Variants in GRID2 observed in about 807,000 individuals in gnomAD.
GRID2 encodes the protein glutamate ionotropic receptor delta type subunit 2.
A neutral mutation model predicts 114.8 loss-of-function variants in GRID2; 33 were observed. The observed-to-expected ratio is 0.29, with a 90% CI of 0.22 to 0.38. The LOEUF is 0.38. Among genes scored for constraint, GRID2 ranks in the 10% least tolerant of loss-of-function variants. The pLI, the probability that GRID2 is intolerant of heterozygous loss-of-function variation, is 1.00. For missense variants in GRID2, 1,184 were observed against 1,257.7 expected (o/e 0.94, Z 0.89); for synonymous variants, 505 against 449.9 (o/e 1.12, Z -1.55).
intron 2 of GRID2, among the ~76,000 whole-genome samples, chr4:92,715,789 A>C (rs953663627): frequency 2.0e-5 from 3 of 152,196 alleles, no homozygotes; most frequent in African/African-American, 7.2e-5. Flanking sequence ...ACACGTGGAA[A>C]TTGTAGGAGT....
chr4:92,872,017 G>A lies in GRID2; in HGVS notation c.245-212978G>A, dbSNP rs531039715. On this transcript the variant is annotated intron_variant, in intron 2 of 15. Coordinates refer to ENST00000282020, the MANE Select transcript of GRID2 (RefSeq NM_001510.4). ...TGTGGTCAGGTGTATGTGTGAGTGT[G>A]TGTCTGTGTGTGTGTTTGTGCTTAT... Among the ~76,000 whole-genome samples, 12 of 152,234 alleles carry A rather than the reference G, an allele frequency of 7.9e-5. No homozygotes were observed. In the East Asian group the frequency reaches 2.3e-3, roughly 29 times the overall value.
downstream of GRID2, among the ~76,000 whole-genome samples, chr4:93,779,266 A>T (rs558427600): frequency 2.0e-5 from 3 of 150,442 alleles, no homozygotes; most frequent in South Asian, 6.3e-4. Flanking sequence ...GGCTTCAGGG[A>T]GAATATTGGG....
chr4:92,623,856 T>A (rs1730393618), intron 2 of GRID2, among the ~76,000 whole-genome samples: 1 of 151,768 alleles, frequency 6.6e-6, no homozygotes, highest in Non-Finnish European at 1.5e-5. Flanking sequence ...CCATATTCTA[T>A]AAGATTATAA....
chr4:92,591,177 C>T (rs547857133), intron 2 of GRID2, among the ~76,000 whole-genome samples: 22 of 152,128 alleles, frequency 1.4e-4, no homozygotes, highest in Non-Finnish European at 2.5e-4. Flanking sequence ...AGGATTAGTG[C>T]CCTTATAAAA....
chr4:92,333,118 A>T (rs756094305), intron 1 of GRID2, among the ~76,000 whole-genome samples: 24 of 152,358 alleles, frequency 1.6e-4, no homozygotes, highest in Admixed American at 6.5e-5. Flanking sequence ...CTGGTCTCCC[A>T]GGCTGTCTGA....
intron 4 of GRID2, among the ~76,000 whole-genome samples, chr4:93,197,953 T>C (rs2149455905): frequency 6.6e-6 from 1 of 152,364 alleles, no homozygotes; most frequent in African/African-American, 2.4e-5. Flanking sequence ...TGATTCATTT[T>C]CTGATTTAAT....
At chr4:93,343,190 A>G (rs998010447) in intron 8 of GRID2, among the ~76,000 whole-genome samples, 1 of 150,940 alleles carries the variant, frequency 6.6e-6, no homozygotes, top group Non-Finnish European at 1.5e-5. Flanking sequence ...GTATTGGGTC[A>G]TATTAGAAGT....
At chr4:92,621,270 TG>T in intron 2 of GRID2, among the ~76,000 whole-genome samples, 1 of 151,934 alleles carries the variant, frequency 6.6e-6, no homozygotes, top group South Asian at 2.1e-4. Flanking sequence ...AAAGATGAAG[TG>T]ATGGTTTAAG....
At chr4:92,501,201 A>G (rs1296784220) in intron 1 of GRID2, among the ~76,000 whole-genome samples, 1 of 152,146 alleles carries the variant, frequency 6.6e-6, no homozygotes, top group Non-Finnish European at 1.5e-5. Flanking sequence ...AATTACTGTC[A>G]GTTGCAGTAA....
chr4:92,957,174 A>G (rs1021109269), intron 2 of GRID2, among the ~76,000 whole-genome samples: 8 of 151,872 alleles, frequency 5.3e-5, no homozygotes, highest in Non-Finnish European at 7.4e-5. Context: ...AAGTTATCAA[A>G]TTTTTCTTTC....
chr4:93,294,087 C>T (rs962091764), intron 8 of GRID2, among the ~76,000 whole-genome samples: 2 of 152,110 alleles, frequency 1.3e-5, no homozygotes, highest in Non-Finnish European at 2.9e-5. Flanking sequence ...TGAGGTGATA[C>T]TGGAGCATAT....
intron 2 of GRID2, among the ~76,000 whole-genome samples, chr4:92,598,401 A>G (rs1370226523): frequency 6.6e-6 from 1 of 152,006 alleles, no homozygotes; most frequent in East Asian, 1.9e-4. Context: ...CTCCCATTAT[A>G]GTACTATTTT....
intron 14 of GRID2, among the ~76,000 whole-genome samples, chr4:93,655,600 C>T (rs1722930415): frequency 6.6e-6 from 1 of 152,056 alleles, no homozygotes; most frequent in Non-Finnish European, 1.5e-5. Context: ...AGATTTAATT[C>T]TTTCTAAAGA....
At chr4:93,548,665 G>C (rs1401869529) in intron 13 of GRID2, among the ~76,000 whole-genome samples, 1 of 152,150 alleles carries the variant, frequency 6.6e-6, no homozygotes, top group Non-Finnish European at 1.5e-5. Flanking sequence ...TTCTCAGTAA[G>C]ATTGACTGTC....
intron 2 of GRID2, among the ~76,000 whole-genome samples, chr4:92,687,879 T>G (rs1733991385): frequency 6.6e-6 from 1 of 151,908 alleles, no homozygotes; most frequent in Non-Finnish European, 1.5e-5. Flanking sequence ...ATGTGAACTT[T>G]CAGTAAGTCA....
At position 92,408,777 on chromosome 4, in the gene GRID2, T is replaced by C. The variant is rs1458377252; in HGVS notation, c.88+104033T>C. 2.0e-5 allele frequency among the ~76,000 whole-genome samples: 3 copies of C among 152,034 alleles called. No individual in the cohort carries two copies. In the East Asian group the frequency reaches 5.8e-4, roughly 29 times the overall value. On this transcript the variant is annotated intron_variant, in intron 1 of 15. Coordinates refer to ENST00000282020, the MANE Select transcript of GRID2 (RefSeq NM_001510.4). ...TTGTGTTCTTGATTTGGTTCTCAGC[T>C]AGAACGTTATTGGTGTGCAAAAATG... is the stretch of plus-strand genomic sequence containing the variant.
intron 9 of GRID2, among the ~76,000 whole-genome samples, chr4:93,405,441 G>A (rs1225818055): frequency 6.6e-6 from 1 of 152,140 alleles, no homozygotes; most frequent in Non-Finnish European, 1.5e-5. Context: ...AGCCATGCAT[G>A]ACCCTACTTT....
At chr4:92,781,064 G>C (rs1739051010) in intron 2 of GRID2, among the ~76,000 whole-genome samples, 1 of 152,018 alleles carries the variant, frequency 6.6e-6, no homozygotes, top group Non-Finnish European at 1.5e-5. Context: ...AACCAAAATG[G>C]TGAAACTCGG....
At chr4:92,409,299 TAC>T in intron 1 of GRID2, among the ~76,000 whole-genome samples, 1 of 152,158 alleles carries the variant, frequency 6.6e-6, no homozygotes, top group Non-Finnish European at 1.5e-5. Context: ...TTTCCCTCAT[TAC>T]AGAGTTACCA....
Sources: allele counts gnomAD v4.1 joint callset (sites outside exome capture counted in the v4.1 genomes callset), GRCh38; gene constraint gnomAD v4.1.1; transcripts MANE v1.5; gene names NCBI Gene and HGNC (gene_info 2026-07-23, HGNC 2026-07-21).